STK33: variants seen among roughly 807,000 people sequenced by gnomAD.
The protein encoded by STK33 is serine/threonine kinase 33.
In STK33, 52 loss-of-function variants were observed where a neutral mutation model predicts 58.0. The observed-to-expected ratio is 0.90, with a 90% CI of 0.72 to 1.13. The LOEUF is 1.13. Ranked by LOEUF, STK33 falls within the 50% of genes most tolerant of loss-of-function variation. The pLI, the probability that STK33 is intolerant of heterozygous loss-of-function variation, is 0.00. For synonymous variants in STK33, 215 were observed against 200.1 expected, an observed-to-expected ratio of 1.07 and a Z score of -0.63; for missense variants, 630 against 604.2, an observed-to-expected ratio of 1.04 and a Z score of -0.45.
At chr11:8,460,697 A>C (rs1002700977) in intron 8 of STK33, among the ~76,000 whole-genome samples, 7 of 152,274 alleles carry the variant, frequency 4.6e-5, no homozygotes, top group African/African-American at 1.7e-4. Context: ...CACAAAAAAA[A>C]ACATGAAGAA....
the STK33 span, among the ~76,000 whole-genome samples, chr11:8,363,692 G>C: frequency 8.5e-5 from 13 of 152,224 alleles, no homozygotes; most frequent in African/African-American, 3.1e-4. Flanking sequence ...GAAATCACAC[G>C]GGGAGATCCT....
intron 1 of STK33, among the ~76,000 whole-genome samples, chr11:8,531,152 G>T (rs1038524973): frequency 3.5e-4 from 53 of 152,242 alleles, no homozygotes; most frequent in African/African-American, 1.1e-3. Flanking sequence ...ATTGTAAAAT[G>T]AAGAAATCTA....
chr11:8,589,096 A>G (rs2032185916), intron 1 of STK33, among the ~76,000 whole-genome samples: 1 of 152,192 alleles, frequency 6.6e-6, no homozygotes, highest in African/African-American at 2.4e-5. Context: ...CCACTTTGGA[A>G]AACAATTTGA....
At chr11:8,553,565 A>G (rs2140697999) in intron 1 of STK33, among the ~76,000 whole-genome samples, 1 of 152,190 alleles carries the variant, frequency 6.6e-6, no homozygotes, top group South Asian at 2.1e-4. Context: ...TTTTAAGGCT[A>G]TCAAAATCAA....
intron 1 of STK33, chr11:8,533,588 G>GA (rs887356133): frequency 6.6e-6 from 1 of 151,856 alleles, no homozygotes; most frequent in African/African-American, 2.4e-5. Flanking sequence ...CTGGCACACA[G>GA]AAAAAACACC....
At chr11:8,548,100 G>A (rs188907189) in intron 1 of STK33, among the ~76,000 whole-genome samples, 99 of 151,108 alleles carry the variant, frequency 6.6e-4, no homozygotes, top group East Asian at 6.3e-3. Flanking sequence ...AACATGGCAC[G>A]TGTATACATA....
chr11:8,438,318 G>A (rs1379503317), intron 12 of STK33, among the ~76,000 whole-genome samples: 1 of 152,124 alleles, frequency 6.6e-6, no homozygotes, highest in Non-Finnish European at 1.5e-5. Context: ...CTACTATTTT[G>A]TTGCATTCAT....
At chr11:8,372,326 T>C in the STK33 span, among the ~76,000 whole-genome samples, 1 of 152,234 alleles carries the variant, frequency 6.6e-6, no homozygotes, top group African/African-American at 2.4e-5. Flanking sequence ...GCAGGGGGCT[T>C]TGAGTGATCC....
chr11:8,425,273 T>C (rs1210756522), intron 14 of STK33, among the ~76,000 whole-genome samples: 3 of 152,170 alleles, frequency 2.0e-5, no homozygotes, highest in Non-Finnish European at 4.4e-5. Flanking sequence ...TTTTGTCAGG[T>C]TTGTCAAAGA....
rs1261354283 is a variant in STK33, at chr11:8,534,566, CTCTG to C, written c.-465-53956_-465-53953del. Reference sequence around the variant, plus strand: ...TCTCTCTCTCTCTCTCTCTCTCTCTCTCTGTGTGTGTGTGTGTGTGTGTGTGTGT... The same window carrying C: ...TCTCTCTCTCTCTCTCTCTCTCTCTCTGTGTGTGTGTGTGTGTGTGTGTGT... On this transcript the variant is annotated intron_variant, in intron 1 of 15. Transcript: ENST00000687296. 5.7e-4 allele frequency among the ~76,000 whole-genome samples: 61 copies of C among 106,458 alleles called. 1 individual carries two copies. Among genetic ancestry groups the C allele is most frequent in the Admixed American group, 2.5e-3 (26 of 10,326 alleles). 69.8% of individuals were successfully genotyped at this position (106,458 alleles called of 152,430 possible). A position where few individuals can be genotyped will look rare whatever the true frequency, so the allele number is the denominator to read the frequency against.
chr11:8,439,535 G>A (rs1425244395), intron 12 of STK33, among the ~76,000 whole-genome samples: 2 of 152,060 alleles, frequency 1.3e-5, no homozygotes, highest in East Asian at 3.9e-4. Flanking sequence ...GTGGGGTAAA[G>A]TAGGAGTAGA....
In STK33 at chr11:8,410,377, C is replaced by T. The variant is rs144537516; in HGVS notation, c.1344+3118G>A. The stretch of plus-strand genomic sequence containing the variant: ...CTAGATAAAGCAACTGCTACATGTA[C>T]TATCTCCTACAATACTATAACAACT... On this transcript the variant is annotated intron_variant, in intron 15 of 15. Coordinates refer to ENST00000687296, the MANE Select transcript of STK33 (RefSeq NM_001352389.2). Among the ~76,000 whole-genome samples the T allele has an allele frequency of 8.5e-4, 129 of 152,006 alleles. 1 individual carries two copies. The highest frequency in any genetic ancestry group is 2.9e-3 in the African/African-American group (121 of 41,462).
chr11:8,417,385 C>A (rs1160432375), intron 14 of STK33, among the ~76,000 whole-genome samples: 2 of 152,078 alleles, frequency 1.3e-5, no homozygotes, highest in Non-Finnish European at 2.9e-5. Flanking sequence ...AATTTAATCC[C>A]TTAGTAGACA....
At chr11:8,499,331 C>G (rs1029221582) in intron 1 of STK33, among the ~76,000 whole-genome samples, 12 of 152,194 alleles carry the variant, frequency 7.9e-5, no homozygotes, top group African/African-American at 2.9e-4. Flanking sequence ...ATCTCATCAT[C>G]ACTGGTCATT....
the STK33 span, among the ~76,000 whole-genome samples, chr11:8,371,470 G>A: frequency 6.6e-6 from 1 of 152,198 alleles, no homozygotes; most frequent in Admixed American, 6.5e-5. Context: ...CTGGCCTCCT[G>A]AACTATGAGG....
At chr11:8,484,608 T>A (rs968298523) in intron 1 of STK33, among the ~76,000 whole-genome samples, 1 of 152,190 alleles carries the variant, frequency 6.6e-6, no homozygotes, top group Non-Finnish European at 1.5e-5. Context: ...ATAATTTAAA[T>A]ATGTAAATGC....
chr11:8,439,850 C>CAT (rs1354493026), intron 12 of STK33, among the ~76,000 whole-genome samples: 1 of 91,116 alleles, frequency 1.1e-5, no homozygotes, highest in Non-Finnish European at 2.3e-5. Flanking sequence ...TATTAGATTA[C>CAT]ATATATATTA....
At chr11:8,487,662 G>C (rs897213503) in intron 1 of STK33, among the ~76,000 whole-genome samples, 2 of 152,056 alleles carry the variant, frequency 1.3e-5, no homozygotes, top group African/African-American at 4.8e-5. Flanking sequence ...TTCTTGAAGG[G>C]AAGATTGGTC....
At chr11:8,421,423 G>A (rs898109286) in intron 14 of STK33, among the ~76,000 whole-genome samples, 2 of 151,980 alleles carry the variant, frequency 1.3e-5, no homozygotes, top group African/African-American at 4.8e-5. Context: ...TCTTCCATAC[G>A]ACGACTGTCA....
Sources: allele counts gnomAD v4.1 joint callset (sites outside exome capture counted in the v4.1 genomes callset), GRCh38; gene constraint gnomAD v4.1.1; transcripts MANE v1.5; gene names NCBI Gene and HGNC (gene_info 2026-07-23, HGNC 2026-07-21).